HK2: variants seen among roughly 807,000 people sequenced by gnomAD.
HK2 encodes the protein hexokinase-2.
In HK2, 42 loss-of-function variants were observed where a neutral mutation model predicts 92.9. That is an observed-to-expected ratio of 0.45 (90% confidence interval 0.35 to 0.58). The LOEUF (loss-of-function observed/expected upper bound fraction) is 0.58. HK2 is among the 20% of genes least tolerant of loss of function. The pLI, the probability that HK2 is intolerant of heterozygous loss-of-function variation, is 0.00. For synonymous variants in HK2, 422 were observed against 468.0 expected, an observed-to-expected ratio of 0.90 and a Z score of 1.27; for missense variants, 978 against 1,245.1, an observed-to-expected ratio of 0.79 and a Z score of 3.23.
rs1197918415 is a variant in HK2, at chr2:74,891,093, G to T, written c.*152G>T. The T allele has an allele frequency of 4.9e-6, 4 of 822,528 alleles. No homozygotes were observed. Among genetic ancestry groups the T allele is most frequent in the Non-Finnish European group, 7.8e-6 (4 of 514,666 alleles). 51.0% of individuals were successfully genotyped at this position (822,528 alleles called of 1,614,324 possible). ...CTGGGTTTTGTCTCTGCATCTCATT[G>T]TAGAGCTTGGTGGCTGAGCTTGGCC... On this transcript the variant is annotated 3_prime_UTR_variant, in exon 18 of 18. Coordinates refer to ENST00000290573, the MANE Select transcript of HK2 (RefSeq NM_000189.5).
intron 2 of HK2, among the ~76,000 whole-genome samples, chr2:74,866,040 G>T (rs182885028): frequency 6.3e-4 from 96 of 152,196 alleles, no homozygotes; most frequent in Non-Finnish European, 1.2e-3. Flanking sequence ...AGCAGGTGAT[G>T]TGGGCTCCAG....
At chr2:74,888,879 C>T (rs1689603883) in intron 16 of HK2, among the ~76,000 whole-genome samples, 1 of 152,086 alleles carries the variant, frequency 6.6e-6, no homozygotes, top group South Asian at 2.1e-4. Flanking sequence ...TTGGTTAGTT[C>T]CTGCCCTGCA....
chr2:74,851,954 G>T (rs1208392618), intron 1 of HK2, among the ~76,000 whole-genome samples: 1 of 152,200 alleles, frequency 6.6e-6, no homozygotes, highest in Non-Finnish European at 1.5e-5. Flanking sequence ...ATCCAGGCAG[G>T]CAGGGGGCAG....
At position 74,887,926 on chromosome 2, in the gene HK2, T is replaced by C. The variant is rs1476351826; in HGVS notation, c.2243T>C (p.Met748Thr). Residue 748 changes from methionine to threonine, a missense_variant, in exon 16 of 18, where the codon ATG (methionine) becomes ACG (threonine). By Grantham distance (81) the Met-to-Thr change is moderately conservative. Around this residue, in one of 3 missense-constraint regions of HK2, gnomAD observed 742 missense variants for 922.5 expected, o/e 0.80. Transcript: ENST00000290573. ...AGGTTCGAGAAAATGATCAGTGGAA[T>C]GTACCTGGGTGAGATTGTCCGTAAC... ...KQRFEKMISGMYLGEIVRNIL... is the reference protein window; with the variant it reads ...KQRFEKMISGTYLGEIVRNIL... The C allele has an allele frequency of 1.2e-6, 2 of 1,614,054 alleles. No individual in the cohort carries two copies. Among genetic ancestry groups the C allele is most frequent in the Middle Eastern group, 1.7e-4 (1 of 5,994 alleles).
chr2:74,879,039 A>C, intron 9 of HK2, 118 bp downstream of exon 9: 1 of 875,320 alleles, frequency 1.1e-6, no homozygotes, highest in South Asian at 1.4e-5. Context: ...CATAGAGCTG[A>C]GGGTCTTGGT....
intron 1 of HK2, among the ~76,000 whole-genome samples, chr2:74,841,126 C>T (rs533440463): frequency 3.9e-5 from 6 of 152,236 alleles, no homozygotes; most frequent in East Asian, 1.9e-4. Context: ...AGAATTTCCA[C>T]CTTACTCAAA....
intron 5 of HK2, 44 bp downstream of exon 5, chr2:74,873,415 G>A (rs1414538990): frequency 7.3e-7 from 1 of 1,377,974 alleles, no homozygotes; most frequent in African/African-American, 1.4e-5. Flanking sequence ...GCTTTTCTGG[G>A]TCCACCCTGA....
rs1226670004 is a variant in HK2, at chr2:74,873,830, A to G, written c.592-14A>G. The G allele has an allele frequency of 1.2e-6, 2 of 1,602,396 alleles. No individual in the cohort carries two copies. Among genetic ancestry groups the G allele is most frequent in the East Asian group, 2.2e-5 (1 of 44,804 alleles). Reference sequence around the variant, plus strand: ...TGATGATGAAGGTCAGAGCCCTCCCATTTGTCTCCACAGGACTTTGATATC... The same window carrying G: ...TGATGATGAAGGTCAGAGCCCTCCCGTTTGTCTCCACAGGACTTTGATATC... On this transcript the variant is annotated splice_polypyrimidine_tract_variant and intron_variant, in intron 5 of 17. Transcript: ENST00000290573.
rs1221389764 is a variant in HK2 at position 74,892,049 on chromosome 2, G to A, written c.*1108G>A. On this transcript the variant is annotated 3_prime_UTR_variant, in exon 18 of 18. Transcript: ENST00000290573. ...AGGCAGGGACAGAGATGGAGGCCGA[G>A]CCAATAGACTGAAGAGACCACAGCA... 1 of 152,632 alleles carries A rather than the reference G, an allele frequency of 6.6e-6. No individual in the cohort carries two copies. The highest frequency in any genetic ancestry group is 1.5e-5 in the Non-Finnish European group (1 of 68,044). The allele number at this position is 152,632 out of a possible 1,614,324, so 9.5% of individuals were successfully genotyped here.
intron 1 of HK2, among the ~76,000 whole-genome samples, chr2:74,847,812 G>A (rs1424637416): frequency 6.6e-6 from 1 of 152,208 alleles, no homozygotes; most frequent in Non-Finnish European, 1.5e-5. Flanking sequence ...CCTATAACAG[G>A]TAGCACAGTG....
rs2104025689 is a variant in HK2 at position 74,889,627 on chromosome 2, A to G, written c.2609+149A>G. On this transcript the variant is annotated intron_variant, in intron 17 of 17. Transcript: ENST00000290573. The stretch of plus-strand genomic sequence containing the variant: ...TACATGGATTATAGTTTAAAGATTC[A>G]TAATCAGAAGTAGGCCTGTGTTTCA... 4.1e-6 allele frequency: 3 copies of G among 729,706 alleles called. No individual in the cohort carries two copies. The African/African-American group carries it at 5.3e-5, about 13-fold the overall frequency. 45.2% of individuals were successfully genotyped at this position (729,706 alleles called of 1,614,324 possible).
chr2:74,837,002 C>T (rs1407561401), intron 1 of HK2, among the ~76,000 whole-genome samples: 1 of 152,130 alleles, frequency 6.6e-6, no homozygotes, highest in Non-Finnish European at 1.5e-5. Flanking sequence ...TGTTTTGGGG[C>T]ATTAGAGATG....
Position 74,861,219 on chromosome 2 carries a change from G to T in HK2, c.227-6417G>T, listed in dbSNP as rs1284556505. On this transcript the variant is annotated intron_variant, in intron 2 of 17. Coordinates refer to ENST00000290573, the MANE Select transcript of HK2 (RefSeq NM_000189.5). ...AAGGTGGGTGGATCACTTGAGGTCA[G>T]GACCAGCCTGGCCAACATGTTGAAA... is the stretch of plus-strand genomic sequence containing the variant. Among the ~76,000 whole-genome samples the T allele has an allele frequency of 2.0e-5, 3 of 152,166 alleles. No individual in the cohort carries two copies. In the East Asian group the frequency reaches 5.8e-4, roughly 29 times the overall value.
Position 74,874,379 on chromosome 2 carries a change from T to C in HK2, c.805T>C (p.Ser269Pro). 6.2e-7 allele frequency: 1 copy of C among 1,613,864 alleles called. No individual in the cohort carries two copies. The part of the protein sequence containing the change: ...MEWGAFGDDG[S>P]LNDIRTEFDQ... ...GTGGGGGGCCTTCGGGGACGATGGC[T>C]CGCTCAACGACATTCGCACTGAGTT... The change falls in exon 7 of 18, where the codon TCG (serine) becomes CCG (proline). Residue 269 changes from serine to proline, a missense_variant. By Grantham distance (74) the Ser-to-Pro change is moderately conservative. Transcript: ENST00000290573.
At chr2:74,869,487 A>AAT (rs1325982374) in intron 3 of HK2, among the ~76,000 whole-genome samples, 2 of 152,232 alleles carry the variant, frequency 1.3e-5, no homozygotes, top group Admixed American at 6.5e-5. Flanking sequence ...CCAAACTTGC[A>AAT]AAGGTTTTTG....
chr2:74,887,359 T>G (rs902861994), intron 15 of HK2, among the ~76,000 whole-genome samples: 1 of 151,984 alleles, frequency 6.6e-6, no homozygotes, highest in African/African-American at 2.4e-5. Flanking sequence ...GGACCTCGTT[T>G]TTTTTTCAAG....
chr2:74,889,216 G>C, intron 16 of HK2, 29 bp from the exon 17 acceptor site: 1 of 1,577,528 alleles, frequency 6.3e-7, no homozygotes, highest in Non-Finnish European at 8.7e-7. Flanking sequence ...GTGCATGACT[G>C]AACACTTGCT....
chr2:74,865,517 C>A (rs1291780950), intron 2 of HK2, among the ~76,000 whole-genome samples: 1 of 152,068 alleles, frequency 6.6e-6, no homozygotes. Flanking sequence ...ACAGCCACCA[C>A]GTTGTGTTTC....
At chr2:74,875,896 TC>T (rs1689219029) in intron 7 of HK2, among the ~76,000 whole-genome samples, 1 of 152,172 alleles carries the variant, frequency 6.6e-6, no homozygotes, top group South Asian at 2.1e-4. Context: ...CCCCGGCTTA[TC>T]CTTTGACACC....
Sources: allele counts gnomAD v4.1 joint callset (sites outside exome capture counted in the v4.1 genomes callset), GRCh38; gene constraint gnomAD v4.1.1; regional missense constraint gnomAD v4.1.1; transcripts MANE v1.5; gene names NCBI Gene and HGNC (gene_info 2026-07-23, HGNC 2026-07-21).